The following STAG1 variants were observed in gnomAD, a reference collection of about 807,000 sequenced individuals.
The protein encoded by STAG1 is cohesin subunit SA-1.
In STAG1, 26 loss-of-function variants were observed where a neutral mutation model predicts 170.9. The ratio of observed to expected loss-of-function variants is 0.15; its 90% CI spans 0.11 to 0.21. The LOEUF (loss-of-function observed/expected upper bound fraction) is 0.21, where lower values mean the gene tolerates loss of function less well. STAG1 is among the 10% of genes least tolerant of loss of function. The probability of loss-of-function intolerance (pLI) is 1.00; values close to 1 mark genes in which losing one functional copy is unlikely to be tolerated. For synonymous variants in STAG1, 514 were observed against 497.7 expected, an observed-to-expected ratio of 1.03 and a Z score of -0.44; for missense variants, 964 against 1,509.5, an observed-to-expected ratio of 0.64 and a Z score of 5.99.
intron 4 of STAG1, among the ~76,000 whole-genome samples, chr3:136,581,746 C>T (rs1219862924): frequency 6.6e-6 from 1 of 151,902 alleles, no homozygotes; most frequent in African/African-American, 2.4e-5. Context: ...AAAATTATAA[C>T]ACAATCAAAA....
chr3:136,556,449 G>A (rs758073267), intron 5 of STAG1, among the ~76,000 whole-genome samples: 2 of 152,258 alleles, frequency 1.3e-5, no homozygotes, highest in East Asian at 1.9e-4. Context: ...TGCTTCCCAC[G>A]ACAAAGACTT....
chr3:136,637,309 G>T (rs1940604615), intron 1 of STAG1, among the ~76,000 whole-genome samples: 1 of 152,142 alleles, frequency 6.6e-6, no homozygotes, highest in Admixed American at 6.5e-5. Flanking sequence ...CACACGAAAA[G>T]ATAAATAAGT....
At chr3:136,533,364 T>C (rs907475381) in intron 6 of STAG1, among the ~76,000 whole-genome samples, 1 of 152,104 alleles carries the variant, frequency 6.6e-6, no homozygotes, top group African/African-American at 2.4e-5. Flanking sequence ...AAAATGACTG[T>C]GTCGCCTTTT....
Position 136,562,460 on chromosome 3 carries a change from C to T in STAG1, c.394+6305G>A, listed in dbSNP as rs183033031. Among the ~76,000 whole-genome samples the T allele has an allele frequency of 7.2e-3, 1,066 of 148,050 alleles. 15 individuals are homozygous for T. Among genetic ancestry groups the T allele is most frequent in the African/African-American group, 0.025 (986 of 40,072 alleles). On this transcript the variant is annotated intron_variant, in intron 5 of 33. Transcript: ENST00000383202. ...ATTTTTAGTAGAGACGGGGTTTCAC[C>T]ACATTGACCAGGCTGGTCTTGAACT...
At chr3:136,581,678 T>C (rs1325135045) in intron 4 of STAG1, among the ~76,000 whole-genome samples, 1 of 152,088 alleles carries the variant, frequency 6.6e-6, no homozygotes, top group Non-Finnish European at 1.5e-5. Flanking sequence ...ACGAATCACA[T>C]GAAAAATTAT....
At chr3:136,744,718 T>A (rs971927331) in intron 1 of STAG1, among the ~76,000 whole-genome samples, 2 of 137,646 alleles carry the variant, frequency 1.5e-5, no homozygotes, top group Non-Finnish European at 3.1e-5. Context: ...CTCTGTCACC[T>A]ACGCTGGAAT....
chr3:136,630,426 T>C (rs569923043), intron 2 of STAG1, among the ~76,000 whole-genome samples: 1 of 152,260 alleles, frequency 6.6e-6, no homozygotes, highest in East Asian at 1.9e-4. Context: ...TGGTATAAGA[T>C]AGGTGACACC....
At chr3:136,638,900 C>T (rs1019578735) in intron 1 of STAG1, among the ~76,000 whole-genome samples, 1 of 151,820 alleles carries the variant, frequency 6.6e-6, no homozygotes, top group East Asian at 1.9e-4. Flanking sequence ...AGACTCTGTC[C>T]GTCTCTAAAT....
chr3:136,745,602 A>C (rs1346219733), intron 1 of STAG1, among the ~76,000 whole-genome samples: 1 of 152,214 alleles, frequency 6.6e-6, no homozygotes, highest in East Asian at 1.9e-4. Context: ...CTGATCTGAC[A>C]GGAGGTGGAT....
chr3:136,514,057 A>G (rs557684676), intron 7 of STAG1, among the ~76,000 whole-genome samples: 1 of 152,320 alleles, frequency 6.6e-6, no homozygotes, highest in South Asian at 2.1e-4. Context: ...TGGTACCATT[A>G]TAGAGAATTT....
chr3:136,726,234 C>A (rs1248474435), intron 1 of STAG1, among the ~76,000 whole-genome samples: 1 of 152,136 alleles, frequency 6.6e-6, no homozygotes, highest in Non-Finnish European at 1.5e-5. Context: ...TCCACTGATG[C>A]CAGTAGCATA....
At chr3:136,639,907 T>C (rs895167212) in intron 1 of STAG1, among the ~76,000 whole-genome samples, 4 of 152,204 alleles carry the variant, frequency 2.6e-5, no homozygotes, top group African/African-American at 9.6e-5. Context: ...TATACATGTA[T>C]ATATTAAACC....
chr3:136,355,651 T>C (rs1243521562), intron 28 of STAG1, among the ~76,000 whole-genome samples: 1 of 152,084 alleles, frequency 6.6e-6, no homozygotes, highest in Non-Finnish European at 1.5e-5. Flanking sequence ...AACTGATACA[T>C]GGAACAGTCT....
intron 6 of STAG1, among the ~76,000 whole-genome samples, chr3:136,522,393 A>AGC (rs1934724434): frequency 6.6e-6 from 1 of 152,188 alleles, no homozygotes; most frequent in Non-Finnish European, 1.5e-5. Context: ...AGTGGTAGGG[A>AGC]GCACTACATG....
intron 21 of STAG1, among the ~76,000 whole-genome samples, chr3:136,411,957 G>C (rs751164331): frequency 1.3e-5 from 2 of 152,060 alleles, no homozygotes; most frequent in African/African-American, 4.8e-5. Context: ...CCGGCTAATT[G>C]TGTATTTTTA....
chr3:136,503,971 A>G (rs1334460541), intron 7 of STAG1, among the ~76,000 whole-genome samples: 1 of 152,148 alleles, frequency 6.6e-6, no homozygotes, highest in East Asian at 1.9e-4. Context: ...TCCCGATCTC[A>G]GGTGATCCGC....
intron 1 of STAG1, among the ~76,000 whole-genome samples, chr3:136,636,529 T>C (rs1197680517): frequency 6.6e-6 from 1 of 152,186 alleles, no homozygotes; most frequent in Non-Finnish European, 1.5e-5. Flanking sequence ...TTATTGAATA[T>C]AACATACATG....
At chr3:136,647,209 G>A (rs966768718) in intron 1 of STAG1, among the ~76,000 whole-genome samples, 5 of 152,142 alleles carry the variant, frequency 3.3e-5, no homozygotes, top group Non-Finnish European at 7.4e-5. Flanking sequence ...TCCAGGGTCT[G>A]AGAAGTCATG....
intron 13 of STAG1, among the ~76,000 whole-genome samples, chr3:136,462,583 A>T (rs2089305174): frequency 6.6e-6 from 1 of 152,198 alleles, no homozygotes; most frequent in African/African-American, 2.4e-5. Context: ...TAGAAGAAAT[A>T]AGTTTTAGTG....
Sources: allele counts gnomAD v4.1 joint callset (sites outside exome capture counted in the v4.1 genomes callset), GRCh38; gene constraint gnomAD v4.1.1; transcripts MANE v1.5; gene names NCBI Gene and HGNC (gene_info 2026-07-23, HGNC 2026-07-21).